ARID4B: variants seen among roughly 807,000 people sequenced by gnomAD.
ARID4B encodes AT-rich interaction domain 4B, also known as AT-rich interactive domain-containing protein 4B.
ARID4B carries 26 observed loss-of-function variants against 147.5 expected under a neutral mutation model. The ratio of observed to expected loss-of-function variants is 0.18; its 90% CI spans 0.13 to 0.24. The LOEUF (loss-of-function observed/expected upper bound fraction) is 0.24, where lower values mean the gene tolerates loss of function less well. ARID4B is among the 10% of genes least tolerant of loss of function. The pLI, the probability that ARID4B is intolerant of heterozygous loss-of-function variation, is 1.00. For missense variants in ARID4B, 1,179 were observed against 1,511.5 expected (o/e 0.78, Z 3.65); for synonymous variants, 512 against 507.9 (o/e 1.01, Z -0.11).
chr1:235,236,857 TATATA>T (rs1314787804), intron 8 of ARID4B, among the ~76,000 whole-genome samples: 1 of 43,916 alleles, frequency 2.3e-5, no homozygotes, highest in Non-Finnish European at 4.4e-5. Flanking sequence ...TATATATATA[TATATA>T]TTTTTTTTTT....
chr1:235,289,228 C>G (rs1354677398), intron 2 of ARID4B, among the ~76,000 whole-genome samples: 1 of 152,100 alleles, frequency 6.6e-6, no homozygotes, highest in Non-Finnish European at 1.5e-5. Flanking sequence ...TTACTTCAAA[C>G]AGTAAATTAA....
At chr1:235,294,458 T>C (rs529210889) in intron 2 of ARID4B, among the ~76,000 whole-genome samples, 14 of 87,078 alleles carry the variant, frequency 1.6e-4, no homozygotes, top group Non-Finnish European at 2.7e-4. Flanking sequence ...ATTCTCCCGC[T>C]TGAACCCAGG....
chr1:235,201,497 TA>T (rs1665916660), intron 17 of ARID4B, among the ~76,000 whole-genome samples: 1 of 152,130 alleles, frequency 6.6e-6, no homozygotes. Context: ...ATAATTTTTT[TA>T]TATTTTGTAG....
At chr1:235,316,333 C>A (rs1020060053) in intron 2 of ARID4B, among the ~76,000 whole-genome samples, 1 of 151,548 alleles carries the variant, frequency 6.6e-6, no homozygotes, top group South Asian at 2.1e-4. Flanking sequence ...CATGGTGAAG[C>A]CTCGTCTCCA....
intron 2 of ARID4B, among the ~76,000 whole-genome samples, chr1:235,278,665 T>C (rs1434628805): frequency 2.6e-5 from 4 of 152,192 alleles, no homozygotes; most frequent in African/African-American, 9.7e-5. Flanking sequence ...AAGTATTTCT[T>C]ATGTTGATCT....
intron 17 of ARID4B, among the ~76,000 whole-genome samples, chr1:235,201,354 CAG>C (rs1344626348): frequency 6.6e-6 from 1 of 150,608 alleles, no homozygotes; most frequent in Non-Finnish European, 1.5e-5. Context: ...CTTCTTCATA[CAG>C]AGTCTCTGTT....
chr1:235,210,857 T>C (rs1401632283), intron 17 of ARID4B, among the ~76,000 whole-genome samples: 1 of 146,982 alleles, frequency 6.8e-6, no homozygotes, highest in Non-Finnish European at 1.5e-5. Flanking sequence ...TTCCTGCTAT[T>C]TAAAAACTAA....
intron 16 of ARID4B, among the ~76,000 whole-genome samples, chr1:235,215,514 T>C (rs957667919): frequency 1.2e-4 from 18 of 151,106 alleles, no homozygotes; most frequent in African/African-American, 4.1e-4. Flanking sequence ...AATGATTATA[T>C]ATATACATAT....
chr1:235,314,756 C>T (rs921738661), intron 2 of ARID4B, among the ~76,000 whole-genome samples: 2 of 151,912 alleles, frequency 1.3e-5, no homozygotes, highest in Non-Finnish European at 2.9e-5. Context: ...ATATATATAA[C>T]ATTTTACTAT....
intron 19 of ARID4B, among the ~76,000 whole-genome samples, chr1:235,190,809 G>T (rs1448379706): frequency 6.6e-6 from 1 of 152,088 alleles, no homozygotes; most frequent in Non-Finnish European, 1.5e-5. Context: ...AGAAATCCAA[G>T]AACTACATTA....
intron 17 of ARID4B, among the ~76,000 whole-genome samples, chr1:235,201,614 G>C (rs1278783901): frequency 6.6e-6 from 1 of 152,142 alleles, no homozygotes; most frequent in Non-Finnish European, 1.5e-5. Context: ...GTGAGCCACC[G>C]CATCTGGCGG....
At chr1:235,209,323 T>C (rs556688172) in intron 17 of ARID4B, among the ~76,000 whole-genome samples, 1 of 152,050 alleles carries the variant, frequency 6.6e-6, no homozygotes, top group East Asian at 1.9e-4. Flanking sequence ...ATACAAAAAT[T>C]TGCTGGGCAT....
chr1:235,302,584 T>C (rs961480246), intron 2 of ARID4B, among the ~76,000 whole-genome samples: 3 of 152,210 alleles, frequency 2.0e-5, no homozygotes, highest in Non-Finnish European at 2.9e-5. Flanking sequence ...TTAATACAGC[T>C]ATTATAAAAG....
intron 11 of ARID4B, chr1:235,229,009 G>A (rs1210431264): frequency 4.1e-6 from 2 of 485,198 alleles, no homozygotes; most frequent in African/African-American, 2.0e-5. Context: ...TGTTTTTGAG[G>A]TTATTAGGAA....
At chr1:235,301,186 G>C (rs984591895) in intron 2 of ARID4B, among the ~76,000 whole-genome samples, 3 of 151,136 alleles carry the variant, frequency 2.0e-5, no homozygotes, top group Admixed American at 6.6e-5. Context: ...ACACCCAGGC[G>C]AATCTACTTT....
At position 235,196,034 on chromosome 1, in the gene ARID4B, T is replaced by C; in HGVS notation, c.1923A>G (p.Ile641Met). 4 of 1,591,920 alleles carry C rather than the reference T, an allele frequency of 2.5e-6. No individual in the cohort carries two copies. Among genetic ancestry groups the C allele is most frequent in the South Asian group, 1.1e-5 (1 of 87,830 alleles). ...TGTAGTAAAAACAAGCACTTACCTT[T>C]ATTTTCTTCCGATGTTTTATCTTTG... ...NVPKIKHRKK[I>M]KNKLDKEKDK... is the part of the protein sequence containing the mutation. Residue 641 changes from isoleucine (I) to methionine (M), a missense_variant, in exon 18 of 24, where the codon ATA becomes ATG. Ile to Met is a conservative substitution (Grantham distance 10, BLOSUM62 1). This residue lies in a region of ARID4B where 321 missense variants were observed against 342.4 expected (regional missense o/e 0.94). Transcript: ENST00000264183.
intron 2 of ARID4B, among the ~76,000 whole-genome samples, chr1:235,311,356 CAATAATAATAATAATAAT>C (rs57278836): frequency 2.7e-4 from 37 of 136,722 alleles, no homozygotes; most frequent in Non-Finnish European, 3.3e-4. Flanking sequence ...TGTCTCAAAA[CAATAATAATAATAATAAT>C]AATAATAATA....
At chr1:235,250,181 T>G (rs919486617) in intron 6 of ARID4B, among the ~76,000 whole-genome samples, 2 of 152,092 alleles carry the variant, frequency 1.3e-5, no homozygotes, top group African/African-American at 2.4e-5. Context: ...TCTCTTTCCA[T>G]GAAAATCCTG....
intron 4 of ARID4B, among the ~76,000 whole-genome samples, chr1:235,256,587 A>T (rs1282377744): frequency 1.3e-5 from 2 of 152,230 alleles, no homozygotes; most frequent in African/African-American, 4.8e-5. Context: ...AAAGAAATAA[A>T]ACTCTCCAAC....
Sources: gnomAD v4.1 joint callset for allele counts (sites outside exome capture counted in the v4.1 genomes callset) on GRCh38, gnomAD v4.1.1 for gene constraint, gnomAD v4.1.1 regional missense constraint, MANE v1.5 for transcripts, NCBI Gene and HGNC (gene_info 2026-07-23, HGNC 2026-07-21) for gene names.